Variants in ARHGAP24 observed in about 807,000 individuals in gnomAD.
ARHGAP24 encodes the protein Rho GTPase activating protein 24.
A neutral mutation model predicts 76.4 loss-of-function variants in ARHGAP24; 50 were observed. The observed-to-expected ratio is 0.65, with a 90% confidence interval of 0.52 to 0.83. The LOEUF is 0.83. Ranked by LOEUF, ARHGAP24 falls within the 40% of genes least tolerant of loss-of-function variation. The probability of loss-of-function intolerance (pLI) is 0.00; values close to 1 mark genes in which losing one functional copy is unlikely to be tolerated. For synonymous variants in ARHGAP24, 345 were observed against 323.3 expected (o/e 1.07, Z -0.72); for missense variants, 930 against 914.2 (o/e 1.02, Z -0.22).
rs1442821104 is a variant in ARHGAP24, at chr4:86,000,810, C to A, written c.*88C>A. On this transcript the variant is annotated 3_prime_UTR_variant, in exon 10 of 10. Coordinates refer to ENST00000395184, the MANE Select transcript of ARHGAP24 (RefSeq NM_001025616.3). ...TGACTTAGAACCAGGTGGCTGGTCA[C>A]CTGGATGTACAGAAGTCTAACTGGT... 2.5e-6 allele frequency: 4 copies of A among 1,581,068 alleles called. No individual in the cohort carries two copies. The East Asian group carries it at 6.8e-5, about 27-fold the overall frequency.
chr4:85,970,971 A>G (rs1372526781), intron 5 of ARHGAP24, among the ~76,000 whole-genome samples: 1 of 152,234 alleles, frequency 6.6e-6, no homozygotes, highest in Non-Finnish European at 1.5e-5. Context: ...ATATAAATTA[A>G]TATTTTAGTA....
chr4:85,669,552 G>A (rs554928531), intron 2 of ARHGAP24, among the ~76,000 whole-genome samples: 5 of 149,804 alleles, frequency 3.3e-5, no homozygotes, highest in Non-Finnish European at 5.9e-5. Context: ...ATGTAGGTAC[G>A]CACACATGTA....
At chr4:85,966,807 C>T (rs890749719) in intron 5 of ARHGAP24, among the ~76,000 whole-genome samples, 1 of 152,100 alleles carries the variant, frequency 6.6e-6, no homozygotes, top group Non-Finnish European at 1.5e-5. Flanking sequence ...TAGGTCATCT[C>T]ATTGTGCTTG....
intron 2 of ARHGAP24, among the ~76,000 whole-genome samples, chr4:85,600,471 C>G (rs190305989): frequency 6.6e-6 from 1 of 152,098 alleles, no homozygotes; most frequent in East Asian, 1.9e-4. Context: ...ATTGTGTTCT[C>G]CACGTGAGAA....
rs181867600 is a variant in ARHGAP24, at chr4:85,552,752, A to C, written c.-20-17770A>C. On this transcript the variant is annotated intron_variant, in intron 1 of 9. Transcript: ENST00000395184. ...GGATAGTCAGGTATTATTGAATTGAATACTTTACTATTATGTCAGTCCCTT... is the reference window on the plus strand; with the variant it reads ...GGATAGTCAGGTATTATTGAATTGACTACTTTACTATTATGTCAGTCCCTT... 1.3e-3 allele frequency among the ~76,000 whole-genome samples: 193 copies of C among 152,300 alleles called. 2 individuals are homozygous for C. Among genetic ancestry groups the C allele is most frequent in the African/African-American group, 3.1e-3 (129 of 41,570 alleles).
intron 2 of ARHGAP24, among the ~76,000 whole-genome samples, chr4:85,703,119 T>C (rs956329963): frequency 6.6e-6 from 1 of 152,218 alleles, no homozygotes; most frequent in African/African-American, 2.4e-5. Flanking sequence ...AATGAGGCTA[T>C]GAAAGAAGTA....
At position 85,798,066 on chromosome 4, in the gene ARHGAP24, T is replaced by TAA. The variant is rs35401705; in HGVS notation, c.268+76099_268+76100dup. Among the ~76,000 whole-genome samples the TAA allele has an allele frequency of 8.5e-5, 13 of 152,192 alleles. No individual in the cohort carries two copies. The South Asian group carries it at 2.5e-3, about 29-fold the overall frequency. Reference sequence around the variant, plus strand: ...TAGTCAAATCCCTTGAGTTTACTACTAAAAAAGGAAATTCAATGTTTGTGG... The same window carrying TAA: ...TAGTCAAATCCCTTGAGTTTACTACTAAAAAAAAGGAAATTCAATGTTTGTGG... On this transcript the variant is annotated intron_variant, in intron 3 of 9. Coordinates refer to ENST00000395184, the MANE Select transcript of ARHGAP24 (RefSeq NM_001025616.3).
intron 2 of ARHGAP24, among the ~76,000 whole-genome samples, chr4:85,601,230 TCTTAGGAA>T (rs1222822097): frequency 1.3e-5 from 2 of 152,238 alleles, no homozygotes; most frequent in Admixed American, 1.3e-4. Context: ...AAGGTTGTAA[TCTTAGGAA>T]CTTAGAGTTC....
In ARHGAP24 at chr4:85,712,410, G is replaced by A. The variant is rs1215345598; in HGVS notation, c.181-9475G>A. Among the ~76,000 whole-genome samples the A allele has an allele frequency of 2.0e-5, 3 of 152,118 alleles. No individual in the cohort carries two copies. The East Asian group carries it at 5.8e-4, about 29-fold the overall frequency. On this transcript the variant is annotated intron_variant, in intron 2 of 9. Transcript: ENST00000395184. ...CCAGCTGTTTACAGGCTCCTTTCTA[G>A]GTCATTGGAAGAGTTGTTGCCACCT...
intron 3 of ARHGAP24, among the ~76,000 whole-genome samples, chr4:85,913,187 A>T (rs1735182750): frequency 6.6e-6 from 1 of 152,036 alleles, no homozygotes; most frequent in Non-Finnish European, 1.5e-5. Flanking sequence ...TGCCTGAAAG[A>T]TTTGTTTAGA....
intron 3 of ARHGAP24, among the ~76,000 whole-genome samples, chr4:85,854,438 A>G (rs916050278): frequency 6.6e-6 from 1 of 152,330 alleles, no homozygotes; most frequent in East Asian, 1.9e-4. Context: ...TAAGACTAGC[A>G]CATTGTCAAT....
chr4:85,785,213 AT>A (rs1259293516), intron 3 of ARHGAP24, among the ~76,000 whole-genome samples: 1 of 152,126 alleles, frequency 6.6e-6, no homozygotes, highest in Admixed American at 6.6e-5. Context: ...TGCTCTGAGC[AT>A]TTCCCATATA....
At chr4:85,997,097 G>A (rs532091324) in intron 9 of ARHGAP24, among the ~76,000 whole-genome samples, 4 of 152,144 alleles carry the variant, frequency 2.6e-5, no homozygotes, top group Non-Finnish European at 5.9e-5. Context: ...CCAAGGGAGA[G>A]CTCTGCAGTA....
At chr4:85,992,122 G>C (rs1400690205) in intron 8 of ARHGAP24, 2 of 397,548 alleles carry the variant, frequency 5.0e-6, no homozygotes, top group East Asian at 7.1e-5. Context: ...ATTATAACCA[G>C]TCTGACCTCA....
intron 2 of ARHGAP24, among the ~76,000 whole-genome samples, chr4:85,704,793 G>T (rs543116108): frequency 8.5e-5 from 13 of 152,106 alleles, no homozygotes; most frequent in African/African-American, 3.1e-4. Context: ...TATGTCCTCA[G>T]TACCGTATCT....
chr4:85,663,935 G>A (rs1324854342), intron 2 of ARHGAP24, among the ~76,000 whole-genome samples: 1 of 151,768 alleles, frequency 6.6e-6, no homozygotes, highest in East Asian at 1.9e-4. Flanking sequence ...ATTTTATTGA[G>A]GATTTTTGTA....
chr4:85,706,843 C>G (rs1053208459), intron 2 of ARHGAP24, among the ~76,000 whole-genome samples: 3 of 152,064 alleles, frequency 2.0e-5, no homozygotes, highest in Non-Finnish European at 4.4e-5. Flanking sequence ...GGATTATAGG[C>G]GTGAGCCACT....
At chr4:85,908,350 G>A (rs1332025741) in intron 3 of ARHGAP24, among the ~76,000 whole-genome samples, 1 of 152,056 alleles carries the variant, frequency 6.6e-6, no homozygotes, top group East Asian at 1.9e-4. Flanking sequence ...CAAGGTCCTG[G>A]TGGATAGAAA....
At chr4:85,575,880 C>T (rs997473584) in intron 2 of ARHGAP24, among the ~76,000 whole-genome samples, 5 of 152,114 alleles carry the variant, frequency 3.3e-5, no homozygotes, top group Admixed American at 6.6e-5. Context: ...AGCAGGGCAT[C>T]GATTTTTAGA....
Sources: allele counts gnomAD v4.1 joint callset (sites outside exome capture counted in the v4.1 genomes callset), GRCh38; gene constraint gnomAD v4.1.1; transcripts MANE v1.5; gene names NCBI Gene and HGNC (gene_info 2026-07-23, HGNC 2026-07-21).